GRID2: variants seen among roughly 807,000 people sequenced by gnomAD.
GRID2 encodes glutamate receptor ionotropic, delta-2.
A neutral mutation model predicts 114.8 loss-of-function variants in GRID2; 33 were observed. The observed-to-expected ratio is 0.29, with a 90% confidence interval of 0.22 to 0.38. The LOEUF (loss-of-function observed/expected upper bound fraction) is 0.38. GRID2 is among the 10% of genes least tolerant of loss of function. GRID2 has a pLI of 1.00. For synonymous variants in GRID2, 505 were observed against 449.9 expected (o/e 1.12, Z -1.55); for missense variants, 1,184 against 1,257.7 (o/e 0.94, Z 0.89).
At chr4:93,367,967 G>T (rs935761544) in intron 8 of GRID2, among the ~76,000 whole-genome samples, 3 of 151,998 alleles carry the variant, frequency 2.0e-5, no homozygotes, top group African/African-American at 7.2e-5. Context: ...TCTATATAAA[G>T]ACATGAATTC....
chr4:92,683,028 G>A (rs779671893), intron 2 of GRID2, among the ~76,000 whole-genome samples: 12 of 152,026 alleles, frequency 7.9e-5, no homozygotes, highest in Non-Finnish European at 1.6e-4. Context: ...GGCTAGGTGC[G>A]GTGGCTCACA....
At chr4:92,318,427 C>A (rs1726124024) in intron 1 of GRID2, among the ~76,000 whole-genome samples, 1 of 149,420 alleles carries the variant, frequency 6.7e-6, no homozygotes, top group Non-Finnish European at 1.5e-5. Context: ...CTTTTAGGCC[C>A]CTCCATCAGG....
At chr4:93,417,104 A>T (rs1767793311) in intron 9 of GRID2, among the ~76,000 whole-genome samples, 1 of 152,142 alleles carries the variant, frequency 6.6e-6, no homozygotes, top group African/African-American at 2.4e-5. Context: ...TTTTAATGAC[A>T]GGATTTTATC....
At chr4:93,614,278 C>T (rs965469036) in intron 13 of GRID2, among the ~76,000 whole-genome samples, 14 of 152,342 alleles carry the variant, frequency 9.2e-5, no homozygotes, top group Non-Finnish European at 1.3e-4. Context: ...TCTTCTGCGT[C>T]GCTCACGCTG....
chr4:93,042,415 C>T (rs1476034008), intron 2 of GRID2, among the ~76,000 whole-genome samples: 1 of 146,582 alleles, frequency 6.8e-6, no homozygotes, highest in African/African-American at 2.5e-5. Context: ...TACATATATA[C>T]ATGTATATAT....
chr4:93,335,078 A>G (rs762444439), intron 8 of GRID2, among the ~76,000 whole-genome samples: 1 of 151,892 alleles, frequency 6.6e-6, no homozygotes, highest in Non-Finnish European at 1.5e-5. Flanking sequence ...TAATATGTCA[A>G]TACTCACATT....
At chr4:93,539,254 T>C (rs1287010249) in intron 13 of GRID2, among the ~76,000 whole-genome samples, 1 of 151,984 alleles carries the variant, frequency 6.6e-6, no homozygotes, top group Non-Finnish European at 1.5e-5. Context: ...CTCATATCAA[T>C]ATATTGTATA....
intron 2 of GRID2, among the ~76,000 whole-genome samples, chr4:92,698,471 A>C (rs1734523882): frequency 6.6e-6 from 1 of 152,108 alleles, no homozygotes; most frequent in African/African-American, 2.4e-5. Flanking sequence ...GAAAAAAATT[A>C]ATAAAAATAG....
intron 12 of GRID2, among the ~76,000 whole-genome samples, chr4:93,512,126 T>C (rs185399528): frequency 6.6e-5 from 10 of 152,230 alleles, no homozygotes; most frequent in Non-Finnish European, 1.5e-4. Context: ...AAATGTCTAT[T>C]GTTAAAAAAG....
At chr4:92,899,578 T>C (rs1747417327) in intron 2 of GRID2, among the ~76,000 whole-genome samples, 1 of 151,962 alleles carries the variant, frequency 6.6e-6, no homozygotes, top group African/African-American at 2.4e-5. Flanking sequence ...GTCAGAGTTC[T>C]TTAATTGTTT....
intron 14 of GRID2, among the ~76,000 whole-genome samples, chr4:93,701,955 T>C (rs767535532): frequency 4.5e-4 from 69 of 152,114 alleles, no homozygotes; most frequent in Non-Finnish European, 8.5e-4. Flanking sequence ...ATAATCAGTC[T>C]GATATGAAGT....
At chr4:92,807,092 T>C (rs1009948769) in intron 2 of GRID2, among the ~76,000 whole-genome samples, 60 of 152,036 alleles carry the variant, frequency 3.9e-4, no homozygotes, top group African/African-American at 1.4e-3. Flanking sequence ...CATCCAATAT[T>C]GTTCCAAATT....
chr4:92,759,892 C>T (rs900381825), intron 2 of GRID2, among the ~76,000 whole-genome samples: 1 of 151,438 alleles, frequency 6.6e-6, no homozygotes, highest in African/African-American at 2.4e-5. Flanking sequence ...TCCCAAAGTG[C>T]TGGGACTGCA....
intron 1 of GRID2, among the ~76,000 whole-genome samples, chr4:92,374,509 C>A (rs529582423): frequency 5.9e-5 from 9 of 152,222 alleles, no homozygotes; most frequent in African/African-American, 2.2e-4. Context: ...CCACCTTGGG[C>A]ATATGTTCTC....
chr4:92,871,540 C>A (rs143659250), intron 2 of GRID2, among the ~76,000 whole-genome samples: 7 of 152,242 alleles, frequency 4.6e-5, no homozygotes, highest in African/African-American at 1.7e-4. Context: ...TTTATGCCAG[C>A]TGTACATTCA....
chr4:92,308,752 A>G (rs983697696), intron 1 of GRID2, among the ~76,000 whole-genome samples: 1 of 150,810 alleles, frequency 6.6e-6, no homozygotes, highest in East Asian at 1.9e-4. Context: ...TTTTTTTTTC[A>G]GTTGACTACA....
At chr4:92,666,932 A>G (rs1036796744) in intron 2 of GRID2, among the ~76,000 whole-genome samples, 6 of 151,434 alleles carry the variant, frequency 4.0e-5, no homozygotes, top group African/African-American at 7.3e-5. Flanking sequence ...TCCCTCCTTG[A>G]TCAAATACAG....
At chr4:93,533,236 T>G in intron 13 of GRID2, among the ~76,000 whole-genome samples, 1 of 150,266 alleles carries the variant, frequency 6.7e-6, no homozygotes. Flanking sequence ...GTAGGGCCCT[T>G]TCTTTCTCTC....
At chr4:92,554,627 T>TACCAA (rs2149176062) in intron 1 of GRID2, among the ~76,000 whole-genome samples, 1 of 152,338 alleles carries the variant, frequency 6.6e-6, no homozygotes, top group Admixed American at 6.5e-5. Context: ...GAAAAAAATC[T>TACCAA]ATCCATTGGA....
Sources: allele counts gnomAD v4.1 joint callset (sites outside exome capture counted in the v4.1 genomes callset), GRCh38; gene constraint gnomAD v4.1.1; transcripts MANE v1.5; gene names NCBI Gene and HGNC (gene_info 2026-07-23, HGNC 2026-07-21).